DNAI1: variants seen among roughly 807,000 people sequenced by gnomAD.
DNAI1 encodes dynein, axonemal, intermediate polypeptide 1.
A neutral mutation model predicts 92.0 loss-of-function variants in DNAI1; 67 were observed. That is an observed-to-expected ratio of 0.73 (90% confidence interval 0.60 to 0.89). The LOEUF (loss-of-function observed/expected upper bound fraction) is 0.89. Ranked by LOEUF, DNAI1 falls within the 40% of genes least tolerant of loss-of-function variation. The probability of loss-of-function intolerance (pLI) is 0.00; values close to 1 mark genes in which losing one functional copy is unlikely to be tolerated. For synonymous variants in DNAI1, 323 were observed against 319.6 expected (o/e 1.01, Z -0.11); for missense variants, 839 against 866.6 (o/e 0.97, Z 0.40).
chr9:34,477,166 C>G (rs1824253541), intron 1 of DNAI1, among the ~76,000 whole-genome samples: 1 of 152,128 alleles, frequency 6.6e-6, no homozygotes, highest in Non-Finnish European at 1.5e-5. Context: ...CAGGCACACA[C>G]CACCACACCC....
At position 34,469,356 on chromosome 9, in the gene DNAI1, C is replaced by T. The variant is rs1295436166; in HGVS notation, c.48+10303C>T. 2.7e-5 allele frequency among the ~76,000 whole-genome samples: 4 copies of T among 150,038 alleles called. No homozygotes were observed. In the Admixed American group the frequency reaches 2.7e-4, roughly 10 times the overall value. Reference sequence around the variant, plus strand: ...TCACAGCTCACTGGAGACTTGACCTCCTGGGCTCAAGTGATCCTCCTGCCT... The same window carrying T: ...TCACAGCTCACTGGAGACTTGACCTTCTGGGCTCAAGTGATCCTCCTGCCT... On this transcript the variant is annotated intron_variant, in intron 1 of 19. Coordinates refer to ENST00000242317, the MANE Select transcript of DNAI1 (RefSeq NM_012144.4).
At chr9:34,483,374 C>A in intron 1 of DNAI1, 74 bp from the exon 2 acceptor site, 1 of 1,467,234 alleles carries the variant, frequency 6.8e-7, no homozygotes, top group Non-Finnish European at 9.4e-7. Context: ...CAGGAGCCTC[C>A]CTGAAATACT....
chr9:34,468,688 G>A (rs896293939), intron 1 of DNAI1, among the ~76,000 whole-genome samples: 1 of 151,840 alleles, frequency 6.6e-6, no homozygotes, highest in Non-Finnish European at 1.5e-5. Context: ...TTAGCCAGGC[G>A]TGGTGGTATG....
At chr9:34,499,810 G>A (rs1236027602) in intron 10 of DNAI1, among the ~76,000 whole-genome samples, 1 of 152,186 alleles carries the variant, frequency 6.6e-6, no homozygotes, top group Non-Finnish European at 1.5e-5. Context: ...CAGCTGACTA[G>A]AAATAACGTG....
intron 1 of DNAI1, among the ~76,000 whole-genome samples, chr9:34,474,929 C>A (rs547244299): frequency 1.3e-5 from 2 of 152,120 alleles, no homozygotes; most frequent in African/African-American, 4.8e-5. Context: ...GGGGTATATG[C>A]ATTTTAAACT....
chr9:34,475,784 A>G (rs1398008539), intron 1 of DNAI1, among the ~76,000 whole-genome samples: 1 of 152,210 alleles, frequency 6.6e-6, no homozygotes, highest in African/African-American at 2.4e-5. Flanking sequence ...GTTGACTTCA[A>G]AGCCCACACT....
chr9:34,504,879 G>T (rs1274037270), intron 12 of DNAI1, among the ~76,000 whole-genome samples: 1 of 152,162 alleles, frequency 6.6e-6, no homozygotes, highest in East Asian at 1.9e-4. Context: ...GTCGAAGGTG[G>T]CAAGGCTGAG....
At chr9:34,469,218 C>T (rs1824094190) in intron 1 of DNAI1, among the ~76,000 whole-genome samples, 1 of 149,088 alleles carries the variant, frequency 6.7e-6, no homozygotes, top group Admixed American at 6.7e-5. Context: ...TTGTGGTTGA[C>T]TTCTCACCAT....
chr9:34,477,844 C>T (rs1382303912), intron 1 of DNAI1, among the ~76,000 whole-genome samples: 4 of 148,420 alleles, frequency 2.7e-5, no homozygotes, highest in African/African-American at 5.0e-5. Context: ...GTCATCAATT[C>T]GAATATGAGG....
At chr9:34,466,216 A>G (rs944134864) in intron 1 of DNAI1, among the ~76,000 whole-genome samples, 2 of 152,238 alleles carry the variant, frequency 1.3e-5, no homozygotes, top group Non-Finnish European at 2.9e-5. Flanking sequence ...AGAAGAAGCA[A>G]TTCATGCCTC....
chr9:34,507,704 C>T (rs1050954615), intron 13 of DNAI1, among the ~76,000 whole-genome samples: 1 of 152,196 alleles, frequency 6.6e-6, no homozygotes, highest in Non-Finnish European at 1.5e-5. Context: ...CTTTCCTCTG[C>T]CATCTGGGCT....
At chr9:34,518,540 GGGAGGGAGTC>G (rs1416017429) in intron 19 of DNAI1, among the ~76,000 whole-genome samples, 1 of 152,266 alleles carries the variant, frequency 6.6e-6, no homozygotes, top group Non-Finnish European at 1.5e-5. Context: ...CTTGAGGGGA[GGGAGGGAGTC>G]GGGCGTGGTC....
chr9:34,482,051 T>C (rs1824370740), intron 1 of DNAI1, among the ~76,000 whole-genome samples: 1 of 152,094 alleles, frequency 6.6e-6, no homozygotes, highest in South Asian at 2.1e-4. Context: ...GATACAAAGG[T>C]TCTCCACCTC....
In DNAI1 at chr9:34,506,846, C is replaced by T; in HGVS notation, c.1283C>T (p.Ser428Phe). 1.9e-6 allele frequency: 3 copies of T among 1,614,120 alleles called. No individual in the cohort carries two copies. The highest frequency in any genetic ancestry group is 2.5e-6 in the Non-Finnish European group (3 of 1,180,030). The change falls in exon 13 of 20, where the codon TCT (serine) becomes TTT (phenylalanine). Residue 428 changes from serine (S) to phenylalanine (F), a missense_variant. Transcript: ENST00000242317. ...SQPSFCSSAK[S>F]GKHSDPVWQV... ...CCCTCCTTCTGCAGCTCAGCCAAGT[C>T]TGGCAAGCACTCAGACCCTGTGTGG...
chr9:34,475,802 C>T (rs1456773822), intron 1 of DNAI1, among the ~76,000 whole-genome samples: 1 of 152,186 alleles, frequency 6.6e-6, no homozygotes, highest in East Asian at 1.9e-4. Flanking sequence ...ACTTGGGTTC[C>T]ATGGCTCCAT....
chr9:34,477,156 C>A (rs955371268), intron 1 of DNAI1, among the ~76,000 whole-genome samples: 11 of 152,120 alleles, frequency 7.2e-5, no homozygotes, highest in Non-Finnish European at 1.5e-4. Flanking sequence ...GCTGGGACTA[C>A]AGGCACACAC....
At position 34,517,433 on chromosome 9, in the gene DNAI1, T is replaced by TCAAGCTCTCACCCA. The variant is rs772066362; in HGVS notation, c.1968_1981dup (p.Asn661ThrfsTer34). 1.2e-6 allele frequency: 2 copies of TCAAGCTCTCACCCA among 1,614,170 alleles called. No homozygotes were observed. Among genetic ancestry groups the TCAAGCTCTCACCCA allele is most frequent in the Non-Finnish European group, 8.5e-7 (1 of 1,180,032 alleles). ...GATGACCGTGGGCACATCATCAGCC[T>TCAAGCTCTCACCCA]CAAGCTCTCACCCAATTTGCGCAAG... On this transcript the variant is annotated frameshift_variant, in exon 19 of 20. Transcript: ENST00000242317. LOFTEE classifies it high-confidence loss of function.
chr9:34,489,281 C>G, intron 4 of DNAI1, 42 bp from the exon 5 acceptor site: 1 of 1,612,564 alleles, frequency 6.2e-7, no homozygotes, highest in South Asian at 1.1e-5. Context: ...GACTCCAGCT[C>G]TTTTAGGGAT....
intron 18 of DNAI1, 32 bp from the exon 19 acceptor site, chr9:34,517,253 C>T (rs368918814): frequency 6.2e-7 from 1 of 1,608,740 alleles, no homozygotes; most frequent in Admixed American, 1.7e-5. Flanking sequence ...GCCTCATTAC[C>T]CCTGAGTGTG....
Sources: gnomAD v4.1 joint callset for allele counts (sites outside exome capture counted in the v4.1 genomes callset) on GRCh38, gnomAD v4.1.1 for gene constraint, MANE v1.5 for transcripts, NCBI Gene and HGNC (gene_info 2026-07-23, HGNC 2026-07-21) for gene names.